GRAMD1B: variants seen among roughly 807,000 people sequenced by gnomAD.
GRAMD1B encodes protein Aster-B.
A neutral mutation model predicts 99.7 loss-of-function variants in GRAMD1B; 37 were observed. That is an observed-to-expected ratio of 0.37 (90% CI 0.29 to 0.49). GRAMD1B has a LOEUF of 0.49. Ranked by LOEUF, GRAMD1B falls within the 20% of genes least tolerant of loss-of-function variation. GRAMD1B has a pLI of 0.98. For missense variants in GRAMD1B, 888 were observed against 1,009.2 expected, an observed-to-expected ratio of 0.88 and a Z score of 1.63; for synonymous variants, 427 against 387.6, an observed-to-expected ratio of 1.10 and a Z score of -1.19.
chr11:123,599,795 A>C (rs765598639), intron 7 of GRAMD1B, among the ~76,000 whole-genome samples: 4 of 152,320 alleles, frequency 2.6e-5, no homozygotes, highest in South Asian at 4.1e-4. Flanking sequence ...TATTTTGGAC[A>C]CTAACCAGCT....
exon 1 of GRAMD1B, chr11:123,358,612 GT>G (rs1946034093): frequency 6.6e-6 from 1 of 152,304 alleles, no homozygotes; most frequent in Non-Finnish European, 1.5e-5. Flanking sequence ...CGCCGCTCGG[GT>G]TTGGGTGTCC....
intron 2 of GRAMD1B, among the ~76,000 whole-genome samples, chr11:123,504,296 G>C (rs1005684657): frequency 6.6e-6 from 1 of 152,198 alleles, no homozygotes; most frequent in South Asian, 2.1e-4. Context: ...CTTCCACTTT[G>C]TCCAGCCCGC....
At position 123,492,361 on chromosome 11, in the gene GRAMD1B, A is replaced by C. The variant is rs1938647624; in HGVS notation, c.452+11468A>C. ...GGATCATTCTCTTCCACTTACAGAG[A>C]CCTAAGCAGTAGGTGTTTGGGGCCA... On this transcript the variant is annotated intron_variant, in intron 2 of 19. Transcript: ENST00000635736. The surrounding 1 kb of genome is among the most constrained non-coding windows in gnomAD (Gnocchi z 4.2). 6.6e-6 allele frequency among the ~76,000 whole-genome samples: 1 copy of C among 152,028 alleles called. No individual in the cohort carries two copies. The highest frequency in any genetic ancestry group is 1.5e-5 in the Non-Finnish European group (1 of 68,002).
intron 1 of GRAMD1B, among the ~76,000 whole-genome samples, chr11:123,392,919 CT>C (rs1320076229): frequency 6.6e-6 from 1 of 152,190 alleles, no homozygotes; most frequent in Non-Finnish European, 1.5e-5. Context: ...ACTTCAACCA[CT>C]TTTCTTCTGA....
chr11:123,381,159 G>T (rs1946860270), intron 1 of GRAMD1B, among the ~76,000 whole-genome samples: 1 of 152,078 alleles, frequency 6.6e-6, no homozygotes, highest in South Asian at 2.1e-4. Flanking sequence ...CTCTTCCTGG[G>T]TCAGCTCTTG....
chr11:123,452,818 A>G (rs1949947693), intron 1 of GRAMD1B, among the ~76,000 whole-genome samples: 1 of 152,166 alleles, frequency 6.6e-6, no homozygotes, highest in African/African-American at 2.4e-5. Context: ...CTTCTCTTCT[A>G]ACCAGGCCTT....
intron 2 of GRAMD1B, among the ~76,000 whole-genome samples, chr11:123,533,754 T>C (rs947401265): frequency 3.3e-5 from 5 of 152,216 alleles, no homozygotes; most frequent in Non-Finnish European, 7.3e-5. Context: ...TCTTATAAAC[T>C]CATAGCAATT....
intron 2 of GRAMD1B, among the ~76,000 whole-genome samples, chr11:123,548,387 C>CA (rs1945293435): frequency 5.5e-5 from 8 of 146,326 alleles, no homozygotes; most frequent in African/African-American, 2.0e-4. Context: ...CACACACACA[C>CA]CCAGACAGGA....
chr11:123,370,530 CAG>C (rs1031059507), intron 1 of GRAMD1B, among the ~76,000 whole-genome samples: 4 of 151,622 alleles, frequency 2.6e-5, no homozygotes, highest in Non-Finnish European at 4.4e-5. Context: ...TTGCTAGAGA[CAG>C]GGGTCTCATG....
At chr11:123,482,102 A>T (rs968438748) in intron 2 of GRAMD1B, among the ~76,000 whole-genome samples, 51 of 147,390 alleles carry the variant, frequency 3.5e-4, no homozygotes, top group Non-Finnish European at 6.5e-4. Flanking sequence ...TTAATTTTTA[A>T]TTTTTTTTTT....
chr11:123,596,155 T>C, intron 7 of GRAMD1B, 118 bp downstream of exon 7: 1 of 608,338 alleles, frequency 1.6e-6, no homozygotes, highest in South Asian at 2.1e-5. Context: ...TGAGAGGCGC[T>C]AAGGGCGATG....
chr11:123,462,430 A>G (rs1950470145), intron 1 of GRAMD1B, among the ~76,000 whole-genome samples: 1 of 152,122 alleles, frequency 6.6e-6, no homozygotes, highest in Non-Finnish European at 1.5e-5. Context: ...TTTCTAGCTG[A>G]GGGCTGCCAC....
At chr11:123,475,362 C>T (rs1951215368) in intron 1 of GRAMD1B, among the ~76,000 whole-genome samples, 3 of 152,298 alleles carry the variant, frequency 2.0e-5, no homozygotes, top group South Asian at 4.1e-4. Context: ...TGCACTAGCA[C>T]GCTGGTCTTA....
chr11:123,546,838 C>G (rs2135783604), intron 2 of GRAMD1B, among the ~76,000 whole-genome samples: 1 of 152,244 alleles, frequency 6.6e-6, no homozygotes, highest in East Asian at 1.9e-4. Flanking sequence ...CATCCACTCC[C>G]TCCCACTTGT....
chr11:123,455,905 C>A (rs766543158), intron 1 of GRAMD1B, among the ~76,000 whole-genome samples: 1 of 152,256 alleles, frequency 6.6e-6, no homozygotes, highest in South Asian at 2.1e-4. Context: ...TGGGGTGGCT[C>A]GCTCCTGTAG....
rs1483466840 is a variant in GRAMD1B, at chr11:123,510,057, GA to G, written c.452+29166del. 1 of 152,290 alleles carries G rather than the reference GA, an allele frequency of 6.6e-6. No individual in the cohort carries two copies. The highest frequency in any genetic ancestry group is 1.5e-5 in the Non-Finnish European group (1 of 68,136). The allele number at this position is 152,290 out of a possible 1,614,324, so 9.4% of individuals were successfully genotyped here. A position where few individuals can be genotyped will look rare whatever the true frequency, so the allele number is the denominator to read the frequency against. On this transcript the variant is annotated intron_variant, in intron 2 of 19. Transcript: ENST00000635736. The surrounding 1 kb of genome is among the most constrained non-coding windows in gnomAD (Gnocchi z 4.3). ...TGCAAGGTGAGTGGCTTCACCGGGC[GA>G]ATTTCTCTCCTTTTGCATTCTCCAC...
At chr11:123,621,998 T>A (rs1157317520) in intron 19 of GRAMD1B, among the ~76,000 whole-genome samples, 15 of 151,042 alleles carry the variant, frequency 9.9e-5, no homozygotes, top group Admixed American at 9.9e-4. Context: ...TTTCTTTCTC[T>A]CTCCCTCTCC....
chr11:123,624,999 A>G lies in GRAMD1B; in HGVS notation c.*2404A>G, dbSNP rs1029264287. ...CACTAGACAATGTGTGCACATAGGG[A>G]ATGTCCTTTAAGAATCATGGATCTC... On this transcript the variant is annotated 3_prime_UTR_variant, in exon 20 of 20. Coordinates refer to ENST00000635736, the MANE Select transcript of GRAMD1B (RefSeq NM_001387025.1). The G allele has an allele frequency of 2.0e-5, 3 of 152,136 alleles. No homozygotes were observed. The highest frequency in any genetic ancestry group is 7.2e-5 in the African/African-American group (3 of 41,426). The allele number at this position is 152,136 out of a possible 1,614,324, so 9.4% of individuals were successfully genotyped here.
chr11:123,560,153 A>G (rs1327057230), intron 2 of GRAMD1B: 16 of 981,446 alleles, frequency 1.6e-5, no homozygotes, highest in Non-Finnish European at 1.8e-5. Context: ...AAAGAGTTGC[A>G]TTATGTAAAC....
Sources: allele counts gnomAD v4.1 joint callset (sites outside exome capture counted in the v4.1 genomes callset), GRCh38; gene constraint gnomAD v4.1.1; non-coding constraint Gnocchi (gnomAD v3.1); transcripts MANE v1.5; gene names NCBI Gene and HGNC (gene_info 2026-07-23, HGNC 2026-07-21).